The following CNTNAP5 variants were observed in gnomAD, a reference collection of about 807,000 sequenced individuals.
CNTNAP5 encodes the protein contactin associated protein family member 5, also known as contactin-associated protein-like 5.
In CNTNAP5, 72 loss-of-function variants were observed where a neutral mutation model predicts 150.2. That is an observed-to-expected ratio of 0.48 (90% CI 0.40 to 0.58). CNTNAP5 has a LOEUF of 0.58. Ranked by LOEUF, CNTNAP5 falls within the 20% of genes least tolerant of loss-of-function variation. The probability of loss-of-function intolerance (pLI) is 0.00; values close to 1 mark genes in which losing one functional copy is unlikely to be tolerated. For synonymous variants in CNTNAP5, 672 were observed against 619.8 expected (o/e 1.08, Z -1.25); for missense variants, 1,636 against 1,626.2 (o/e 1.01, Z -0.10).
chr2:124,112,163 A>G (rs188277422), intron 1 of CNTNAP5, among the ~76,000 whole-genome samples: 187 of 152,352 alleles, frequency 1.2e-3, no homozygotes, highest in African/African-American at 4.2e-3. Context: ...AAGTATTCAC[A>G]GGGATTACCT....
At chr2:124,271,555 A>C (rs1227095907) in intron 3 of CNTNAP5, among the ~76,000 whole-genome samples, 2 of 152,160 alleles carry the variant, frequency 1.3e-5, no homozygotes, top group East Asian at 3.9e-4. Flanking sequence ...AGTCAACAAA[A>C]TCTGATCAGG....
chr2:124,480,666 C>T (rs553444038), intron 7 of CNTNAP5, among the ~76,000 whole-genome samples: 2 of 152,288 alleles, frequency 1.3e-5, no homozygotes, highest in Non-Finnish European at 2.9e-5. Context: ...GATCATGTTT[C>T]ATCTCTGTGA....
chr2:124,829,166 G>A (rs1393762513), intron 19 of CNTNAP5, among the ~76,000 whole-genome samples: 1 of 152,172 alleles, frequency 6.6e-6, no homozygotes, highest in Non-Finnish European at 1.5e-5. Context: ...TGTCTTCAAA[G>A]TGTCTGGAGA....
intron 21 of CNTNAP5, among the ~76,000 whole-genome samples, chr2:124,890,387 T>A (rs1678169998): frequency 6.6e-6 from 1 of 152,094 alleles, no homozygotes; most frequent in Non-Finnish European, 1.5e-5. Flanking sequence ...ATAAGTCTGA[T>A]TGTGTTCTTC....
intron 13 of CNTNAP5, among the ~76,000 whole-genome samples, chr2:124,733,420 TA>T (rs1415193848): frequency 6.6e-6 from 1 of 152,104 alleles, no homozygotes; most frequent in Non-Finnish European, 1.5e-5. Flanking sequence ...AAAAAGCATT[TA>T]AAAAGGGCTT....
intron 13 of CNTNAP5, among the ~76,000 whole-genome samples, chr2:124,680,013 AT>A (rs1679030338): frequency 6.6e-6 from 1 of 151,712 alleles, no homozygotes; most frequent in South Asian, 2.1e-4. Context: ...TCGATTTTTT[AT>A]CCTATGGATA....
At chr2:124,349,229 T>A (rs1471376141) in intron 3 of CNTNAP5, among the ~76,000 whole-genome samples, 1 of 152,214 alleles carries the variant, frequency 6.6e-6, no homozygotes, top group Non-Finnish European at 1.5e-5. Context: ...GGCTGTACGA[T>A]GTAGCCTGTT....
chr2:124,792,365 A>C (rs1285010666), intron 18 of CNTNAP5, among the ~76,000 whole-genome samples: 1 of 152,172 alleles, frequency 6.6e-6, no homozygotes, highest in African/African-American at 2.4e-5. Flanking sequence ...AGGTGGACTG[A>C]CTTGCTAAAT....
In CNTNAP5 at chr2:124,623,984, A is replaced by G. The variant is rs542156397; in HGVS notation, c.1876+14064A>G. On this transcript the variant is annotated intron_variant, in intron 12 of 23. Transcript: ENST00000682447. ...AGCTTAGAGGTGGGAATTTTTATTT[A>G]AGTGTCTCTCTTTTCTCTCTAATGG... is the stretch of plus-strand genomic sequence containing the variant. Among the ~76,000 whole-genome samples, 169 of 152,300 alleles carry G rather than the reference A, an allele frequency of 1.1e-3. 1 individual carries two copies. The highest frequency in any genetic ancestry group is 3.5e-3 in the African/African-American group (145 of 41,562).
intron 3 of CNTNAP5, among the ~76,000 whole-genome samples, chr2:124,381,027 C>T (rs1397237646): frequency 1.3e-5 from 2 of 152,106 alleles, no homozygotes; most frequent in African/African-American, 4.8e-5. Context: ...AAACTTGTCC[C>T]TTCAGAACAG....
chr2:124,885,346 G>T (rs1573687579), intron 21 of CNTNAP5, among the ~76,000 whole-genome samples: 1 of 151,918 alleles, frequency 6.6e-6, no homozygotes, highest in South Asian at 2.1e-4. Context: ...AGCAGTACTT[G>T]GATGAGGGCT....
intron 1 of CNTNAP5, among the ~76,000 whole-genome samples, chr2:124,053,438 G>T (rs1420870322): frequency 6.6e-6 from 1 of 152,158 alleles, no homozygotes; most frequent in Non-Finnish European, 1.5e-5. Flanking sequence ...GAGGACAAAG[G>T]TTTCTGTCTT....
Position 124,647,809 on chromosome 2 carries a change from T to A in CNTNAP5, c.1928T>A (p.Val643Glu). Residue 643 changes from valine (V) to glutamate (E), a missense_variant, in exon 13 of 24, where the codon GTG becomes GAG. By Grantham distance (121) the Val-to-Glu change is moderately radical (BLOSUM62 -2). Coordinates refer to ENST00000682447, the MANE Select transcript of CNTNAP5 (RefSeq NM_001367498.1). ...VQHNNTELTR[V>E]RGANPEKPYA... The stretch of plus-strand genomic sequence containing the variant: ...CACAACAATACAGAGCTGACCCGAG[T>A]GCGGGGCGCTAACCCTGAGAAGCCC... 2 of 1,613,346 alleles carry A rather than the reference T, an allele frequency of 1.2e-6. No homozygotes were observed. Among genetic ancestry groups the A allele is most frequent in the Non-Finnish European group, 8.5e-7 (1 of 1,179,608 alleles).
chr2:124,742,487 C>T (rs187017352), intron 13 of CNTNAP5, among the ~76,000 whole-genome samples: 2 of 152,036 alleles, frequency 1.3e-5, no homozygotes, highest in East Asian at 1.9e-4. Flanking sequence ...GCTGACATTG[C>T]GTTGTGCTAT....
intron 19 of CNTNAP5, among the ~76,000 whole-genome samples, chr2:124,818,530 T>G (rs2104666280): frequency 6.6e-6 from 1 of 152,148 alleles, no homozygotes; most frequent in East Asian, 1.9e-4. Context: ...AGAACCTGTC[T>G]CTTAAAAAAA....
chr2:124,079,856 C>G (rs150267641), intron 1 of CNTNAP5, among the ~76,000 whole-genome samples: 1 of 152,212 alleles, frequency 6.6e-6, no homozygotes, highest in East Asian at 1.9e-4. Flanking sequence ...TGCATGGGTT[C>G]AAGTCCCAAC....
Position 124,707,123 on chromosome 2 carries a change from AAAGAAGAAGAAGAAGAGGAAG to A in CNTNAP5, c.2078-40089_2078-40069del, listed in dbSNP as rs1342541714. On this transcript the variant is annotated intron_variant, in intron 13 of 23. Transcript: ENST00000682447. ...GAGGAAGAAGAAGAGGAAGAAGAAGAAAGAAGAAGAAGAAGAGGAAGAAGAAGAAGAAGAAGAAGAAGAAGA... is the reference window on the plus strand; with the variant it reads ...GAGGAAGAAGAAGAGGAAGAAGAAGAAAGAAGAAGAAGAAGAAGAAGAAGA... 4.9e-3 allele frequency among the ~76,000 whole-genome samples: 360 copies of A among 73,192 alleles called. 19 individuals carry two copies. Among genetic ancestry groups the A allele is most frequent in the African/African-American group, 0.018 (322 of 18,238 alleles). The allele number at this position is 73,192 out of a possible 152,430, so 48.0% of individuals were successfully genotyped here.
intron 1 of CNTNAP5, among the ~76,000 whole-genome samples, chr2:124,168,481 C>T (rs1234764966): frequency 6.6e-6 from 1 of 152,114 alleles, no homozygotes; most frequent in African/African-American, 2.4e-5. Context: ...AGTTCTTCAT[C>T]TTGTAAACAT....
intron 13 of CNTNAP5, among the ~76,000 whole-genome samples, chr2:124,713,307 TCTCTTTCTTTC>T (rs1573566969): frequency 7.2e-4 from 69 of 95,732 alleles, no homozygotes; most frequent in South Asian, 5.7e-3. Flanking sequence ...CTTTCTTCTT[TCTCTTTCTTTC>T]CTTTCTTTCT....
Sources: allele counts gnomAD v4.1 joint callset (sites outside exome capture counted in the v4.1 genomes callset), GRCh38; gene constraint gnomAD v4.1.1; transcripts MANE v1.5; gene names NCBI Gene and HGNC (gene_info 2026-07-23, HGNC 2026-07-21).